XPNPEP3: variants seen among roughly 807,000 people sequenced by gnomAD.
The protein encoded by XPNPEP3 is X-prolyl aminopeptidase 3.
In XPNPEP3, 41 loss-of-function variants were observed where a neutral mutation model predicts 60.0. The observed-to-expected ratio is 0.68, with a 90% CI of 0.53 to 0.89. The LOEUF (loss-of-function observed/expected upper bound fraction) is 0.89, where lower values mean the gene tolerates loss of function less well. Among genes scored for constraint, XPNPEP3 ranks in the 40% least tolerant of loss-of-function variants. XPNPEP3 has a pLI of 0.00. For synonymous variants in XPNPEP3, 212 were observed against 223.2 expected, an observed-to-expected ratio of 0.95 and a Z score of 0.45; for missense variants, 598 against 638.9, an observed-to-expected ratio of 0.94 and a Z score of 0.69.
intron 4 of XPNPEP3, among the ~76,000 whole-genome samples, chr22:40,906,740 A>G (rs1381503167): frequency 1.3e-5 from 2 of 152,248 alleles, no homozygotes; most frequent in African/African-American, 2.4e-5. Context: ...ACAAATGTAT[A>G]TCTTAGTATG....
intron 1 of XPNPEP3, among the ~76,000 whole-genome samples, chr22:40,859,381 T>C (rs1221476040): frequency 6.6e-6 from 1 of 152,198 alleles, no homozygotes; most frequent in Admixed American, 6.5e-5. Context: ...TGGTTTTCTG[T>C]TAAGAGTGAA....
intron 1 of XPNPEP3, among the ~76,000 whole-genome samples, chr22:40,858,700 T>A (rs1265218094): frequency 6.6e-6 from 1 of 151,756 alleles, no homozygotes; most frequent in African/African-American, 2.4e-5. Context: ...CCTGGCTAAT[T>A]TATGTGTTTT....
At chr22:40,897,230 G>C (rs1324924451) in intron 4 of XPNPEP3, among the ~76,000 whole-genome samples, 1 of 151,810 alleles carries the variant, frequency 6.6e-6, no homozygotes, top group Non-Finnish European at 1.5e-5. Flanking sequence ...GGGTTTCACT[G>C]TGTTAGCCAG....
chr22:40,881,623 G>A (rs1448068379), intron 2 of XPNPEP3, 147 bp from the exon 3 acceptor site: 1 of 967,510 alleles, frequency 1.0e-6, no homozygotes, highest in East Asian at 2.6e-5. Flanking sequence ...TTTGAAACCT[G>A]GTTATCTCCT....
At chr22:40,915,815 T>A (rs926565827) in intron 7 of XPNPEP3, among the ~76,000 whole-genome samples, 3 of 152,192 alleles carry the variant, frequency 2.0e-5, no homozygotes, top group Non-Finnish European at 4.4e-5. Flanking sequence ...GAACTATGTG[T>A]TCTGAGGAGG....
chr22:40,881,905 A>G lies in XPNPEP3; in HGVS notation c.317A>G (p.Tyr106Cys), dbSNP rs1249384462. 3 of 1,614,152 alleles carry G rather than the reference A, an allele frequency of 1.9e-6. No individual in the cohort carries two copies. Among genetic ancestry groups the G allele is most frequent in the East Asian group, 2.2e-5 (1 of 44,870 alleles). Residue 106 changes from tyrosine to cysteine, a missense_variant, in exon 3 of 10, where the codon TAC (tyrosine) becomes TGC (cysteine). By Grantham distance (194) the Tyr-to-Cys change is radical. Coordinates refer to ENST00000357137, the MANE Select transcript of XPNPEP3 (RefSeq NM_022098.4). ...TVVVLSNPTY[Y>C]MSNDIPYTFH... ...GTTGTGCTCTCCAACCCTACATACT[A>G]CATGAGCAACGATATTCCCTATACT...
chr22:40,896,636 A>G (rs1268559322), intron 4 of XPNPEP3, among the ~76,000 whole-genome samples: 6 of 152,154 alleles, frequency 3.9e-5, no homozygotes, highest in Non-Finnish European at 7.3e-5. Context: ...TCTGCAAAAA[A>G]AAAAAAATTT....
At chr22:40,882,465 C>T (rs1334545087) in intron 3 of XPNPEP3, among the ~76,000 whole-genome samples, 1 of 152,028 alleles carries the variant, frequency 6.6e-6, no homozygotes, top group Non-Finnish European at 1.5e-5. Flanking sequence ...GGCGAAACCC[C>T]GTCTCTACTA....
intron 8 of XPNPEP3, among the ~76,000 whole-genome samples, chr22:40,922,984 A>G (rs1409903609): frequency 6.6e-6 from 1 of 152,170 alleles, no homozygotes; most frequent in African/African-American, 2.4e-5. Context: ...TCTGGTGCCG[A>G]CAGGGTGAAA....
At chr22:40,921,270 G>T (rs1449802443) in intron 7 of XPNPEP3, among the ~76,000 whole-genome samples, 2 of 152,106 alleles carry the variant, frequency 1.3e-5, no homozygotes, top group African/African-American at 4.8e-5. Flanking sequence ...AGACGGGGGT[G>T]GAAGGGCCAC....
rs566175078 is a variant in XPNPEP3 at position 40,880,784 on chromosome 22, T to A, written c.182-986T>A. Among the ~76,000 whole-genome samples the A allele has an allele frequency of 5.7e-3, 807 of 141,268 alleles. 11 individuals are homozygous for A. Among genetic ancestry groups the A allele is most frequent in the African/African-American group, 0.021 (775 of 37,040 alleles). The allele number at this position is 141,268 out of a possible 152,430, so 92.7% of individuals were successfully genotyped here. On this transcript the variant is annotated intron_variant, in intron 2 of 9. Transcript: ENST00000357137. ...CAGCCTGGGAGATAGCGAGACTCCC[T>A]CTCAAAAAAAAAAAAAAAAACCATT...
At chr22:40,908,082 C>T (rs747737619) in intron 5 of XPNPEP3, among the ~76,000 whole-genome samples, 1 of 151,770 alleles carries the variant, frequency 6.6e-6, no homozygotes, top group Admixed American at 6.6e-5. Context: ...AGTGTGGTAA[C>T]GTATGCCTGT....
At chr22:40,920,170 C>A (rs1171840178) in intron 7 of XPNPEP3, among the ~76,000 whole-genome samples, 1 of 152,054 alleles carries the variant, frequency 6.6e-6, no homozygotes, top group Non-Finnish European at 1.5e-5. Context: ...GAGTTCAAGA[C>A]CAGCCTGGCC....
At position 40,907,060 on chromosome 22, in the gene XPNPEP3, G is replaced by C. The variant is rs1480362806; in HGVS notation, c.793-527G>C. 1.8e-5 allele frequency: 8 copies of C among 456,204 alleles called. No individual in the cohort carries two copies. In the Admixed American group the frequency reaches 1.9e-4, roughly 11 times the overall value. 28.3% of individuals were successfully genotyped at this position (456,204 alleles called of 1,614,324 possible). On this transcript the variant is annotated intron_variant, in intron 4 of 9. Coordinates refer to ENST00000357137, the MANE Select transcript of XPNPEP3 (RefSeq NM_022098.4). ...CACTTCTTACTGTCACCCCAATGGG[G>C]ATTAAATTGCAACGTGAATTTTGGA...
chr22:40,886,373 A>G lies in XPNPEP3; in HGVS notation c.650A>G (p.Asp217Gly), dbSNP rs1488640893. 1 of 1,614,022 alleles carries G rather than the reference A, an allele frequency of 6.2e-7. No homozygotes were observed. ...CCCTCACATGCACAGCTTCACTCTG[A>G]CTATATGCAGCCCCTGACTGAGGCC... ...MRPSHAQLHS[D>G]YMQPLTEAKA... Residue 217 changes from aspartate to glycine, a missense_variant, in exon 4 of 10, where the codon GAC (aspartate) becomes GGC (glycine). Coordinates refer to ENST00000357137, the MANE Select transcript of XPNPEP3 (RefSeq NM_022098.4).
At chr22:40,897,484 T>C (rs1256137275) in intron 4 of XPNPEP3, among the ~76,000 whole-genome samples, 1 of 151,848 alleles carries the variant, frequency 6.6e-6, no homozygotes, top group Non-Finnish European at 1.5e-5. Context: ...TTGTTAGATC[T>C]GTGGTGAGTC....
At chr22:40,916,819 G>T (rs2058197894) in intron 7 of XPNPEP3, among the ~76,000 whole-genome samples, 1 of 152,146 alleles carries the variant, frequency 6.6e-6, no homozygotes, top group East Asian at 1.9e-4. Context: ...GCCAGGCGAG[G>T]TGCCTCATGT....
Position 40,922,365 on chromosome 22 carries a change from C to T in XPNPEP3, c.1088C>T (p.Ala363Val). 6.2e-7 allele frequency: 1 copy of T among 1,613,898 alleles called. No homozygotes were observed. The highest frequency in any genetic ancestry group is 1.1e-5 in the South Asian group (1 of 91,078). ...GCACCTCAGGCAGAACTCTATGAAG[C>T]CGTTCTAGAGATCCAAAGAGATTGT... Reference protein sequence around the residue: ...FTAPQAELYEAVLEIQRDCLA... With the variant: ...FTAPQAELYEVVLEIQRDCLA... Residue 363 changes from alanine (A) to valine (V), a missense_variant, in exon 8 of 10, where the codon GCC becomes GTC. Ala to Val is a moderately conservative substitution (Grantham distance 64). Transcript: ENST00000357137.
At chr22:40,884,871 C>T (rs771572190) in intron 3 of XPNPEP3, among the ~76,000 whole-genome samples, 56 of 151,166 alleles carry the variant, frequency 3.7e-4, no homozygotes, top group Non-Finnish European at 8.9e-5. Context: ...ACTAAAAATA[C>T]GAAAAAATTA....
Sources: allele counts gnomAD v4.1 joint callset (sites outside exome capture counted in the v4.1 genomes callset), GRCh38; gene constraint gnomAD v4.1.1; transcripts MANE v1.5; gene names NCBI Gene and HGNC (gene_info 2026-07-23, HGNC 2026-07-21).